Variants in FLT1 observed in about 807,000 individuals in gnomAD.
FLT1 encodes vascular endothelial growth factor receptor 1.
Under a neutral mutation model 156.3 loss-of-function variants are expected in FLT1, and 49 were observed. The ratio of observed to expected loss-of-function variants is 0.31; its 90% CI spans 0.25 to 0.40. The LOEUF (loss-of-function observed/expected upper bound fraction) is 0.40, where lower values mean the gene tolerates loss of function less well. FLT1 is among the 10% of genes least tolerant of loss of function. The pLI is 1.00. For synonymous variants in FLT1, 594 were observed against 583.8 expected (o/e 1.02, Z -0.25); for missense variants, 1,322 against 1,637.2 (o/e 0.81, Z 3.32).
At chr13:28,362,585 G>A (rs1017000441) in intron 14 of FLT1, among the ~76,000 whole-genome samples, 10 of 152,254 alleles carry the variant, frequency 6.6e-5, no homozygotes, top group South Asian at 2.1e-4. Context: ...TTTGGAGGCC[G>A]AGGTGGGCAG....
Position 28,334,877 on chromosome 13 carries a change from CCCCTTTA to C in FLT1, c.2489-755_2489-749del, listed in dbSNP as rs571091477. Among the ~76,000 whole-genome samples the C allele has an allele frequency of 3.9e-3, 599 of 152,118 alleles. 3 individuals are homozygous for C. The highest frequency in any genetic ancestry group is 0.013 in the African/African-American group (550 of 41,514). On this transcript the variant is annotated intron_variant, in intron 17 of 29. Transcript: ENST00000282397. The stretch of plus-strand genomic sequence containing the variant: ...TAGAATGACCCAGGGAGTCCTTGCC[CCCCTTTA>C]CTCTGGGGGGCAAGGACCATGTCTG...
At chr13:28,471,897 A>C (rs1880199175) in intron 1 of FLT1, among the ~76,000 whole-genome samples, 1 of 152,236 alleles carries the variant, frequency 6.6e-6, no homozygotes, top group South Asian at 2.1e-4. Context: ...TAAATAAAAT[A>C]AAACAAAAAA....
chr13:28,413,344 G>A (rs1411609284), intron 10 of FLT1, among the ~76,000 whole-genome samples: 2 of 151,796 alleles, frequency 1.3e-5, no homozygotes, highest in African/African-American at 2.4e-5. Context: ...GGCTTCTAGA[G>A]TGAGTGCCAG....
In FLT1 at chr13:28,301,139, T is replaced by A. The variant is rs61477468; in HGVS notation, c.*2028A>T. ...ACATGAATAGCTAAGGTTTTATTTG[T>A]TATCACTATTTGCTGGGCTATTATC... On this transcript the variant is annotated 3_prime_UTR_variant, in exon 30 of 30. Coordinates refer to ENST00000282397, the MANE Select transcript of FLT1 (RefSeq NM_002019.4). The A allele has an allele frequency of 2.6e-5, 6 of 232,670 alleles. No homozygotes were observed. In the Admixed American group the frequency reaches 3.4e-4, roughly 13 times the overall value. The allele number at this position is 232,670 out of a possible 1,614,324, so 14.4% of individuals were successfully genotyped here. A position where few individuals can be genotyped will look rare whatever the true frequency, so the allele number is the denominator to read the frequency against.
At chr13:28,456,720 C>G (rs1879289467) in intron 3 of FLT1, among the ~76,000 whole-genome samples, 1 of 151,914 alleles carries the variant, frequency 6.6e-6, no homozygotes, top group East Asian at 1.9e-4. Flanking sequence ...CGTTTGAACC[C>G]TGGAGGCAGA....
chr13:28,480,549 A>G (rs1193729791), intron 1 of FLT1, among the ~76,000 whole-genome samples: 1 of 152,208 alleles, frequency 6.6e-6, no homozygotes, highest in Non-Finnish European at 1.5e-5. Flanking sequence ...GTGAGACCTG[A>G]AGAATCAATG....
chr13:28,433,495 A>C (rs1163188743), intron 6 of FLT1, among the ~76,000 whole-genome samples: 1 of 152,222 alleles, frequency 6.6e-6, no homozygotes, highest in African/African-American at 2.4e-5. Context: ...TTTGGTGATA[A>C]ATTTCTCTCT....
intron 3 of FLT1, among the ~76,000 whole-genome samples, chr13:28,458,859 A>T (rs919678339): frequency 1.3e-5 from 2 of 152,318 alleles, no homozygotes; most frequent in Admixed American, 1.3e-4. Context: ...AGAATGAATA[A>T]TCTCCTTCAT....
At chr13:28,427,568 C>T (rs994711935) in intron 9 of FLT1, among the ~76,000 whole-genome samples, 184 bp downstream of exon 9, 5 of 152,012 alleles carry the variant, frequency 3.3e-5, no homozygotes, top group South Asian at 4.2e-4. Flanking sequence ...AAGATCATGC[C>T]GCCTATGGAA....
intron 11 of FLT1, 103 bp from the exon 12 acceptor site, chr13:28,397,171 T>G (rs1014308816): frequency 1.2e-4 from 91 of 739,734 alleles, no homozygotes; most frequent in Non-Finnish European, 1.8e-4. Context: ...CCATTCATTC[T>G]GCAAAGAGAG....
intron 12 of FLT1, among the ~76,000 whole-genome samples, chr13:28,391,918 G>A (rs1477502524): frequency 6.6e-6 from 1 of 152,136 alleles, no homozygotes; most frequent in African/African-American, 2.4e-5. Flanking sequence ...TACTAGTGGT[G>A]TATCTGCATT....
chr13:28,304,127 G>A (rs552787919), intron 29 of FLT1, among the ~76,000 whole-genome samples: 5 of 152,122 alleles, frequency 3.3e-5, no homozygotes, highest in African/African-American at 7.2e-5. Context: ...CTGGACTAAC[G>A]TGTCCATGTT....
At chr13:28,387,428 T>C (rs1176317972) in intron 13 of FLT1, 4 of 1,056,530 alleles carry the variant, frequency 3.8e-6, no homozygotes, top group Non-Finnish European at 3.4e-6. Context: ...CCTAAGTTAC[T>C]TGATGGAAGT....
At chr13:28,488,234 C>CA (rs1376008585) in intron 1 of FLT1, among the ~76,000 whole-genome samples, 9 of 151,982 alleles carry the variant, frequency 5.9e-5, no homozygotes, top group Admixed American at 3.9e-4. Flanking sequence ...CCTGTCTCTA[C>CA]AAAAAACACA....
intron 15 of FLT1, among the ~76,000 whole-genome samples, chr13:28,346,793 T>C (rs1872583238): frequency 6.6e-6 from 1 of 152,212 alleles, no homozygotes; most frequent in Non-Finnish European, 1.5e-5. Context: ...AAATTTTCTT[T>C]TTAGAAATAA....
At chr13:28,476,129 G>GCA (rs10651628) in intron 1 of FLT1, among the ~76,000 whole-genome samples, 3,788 of 151,176 alleles carry the variant, frequency 0.025, 164 homozygotes, top group African/African-American at 0.085. Flanking sequence ...ACACACACAT[G>GCA]CACACACACA....
intron 11 of FLT1, among the ~76,000 whole-genome samples, chr13:28,398,516 G>GA (rs1875206590): frequency 6.6e-6 from 1 of 152,194 alleles, no homozygotes; most frequent in Non-Finnish European, 1.5e-5. Context: ...AGATCAGGAA[G>GA]ACTTAAACAC....
intron 3 of FLT1, among the ~76,000 whole-genome samples, chr13:28,446,254 C>T (rs993222349): frequency 8.5e-5 from 13 of 152,134 alleles, no homozygotes; most frequent in Non-Finnish European, 1.8e-4. Flanking sequence ...AATAAGACAT[C>T]GTTGTCCACC....
At chr13:28,432,635 G>C (rs1160106387) in intron 6 of FLT1, among the ~76,000 whole-genome samples, 1 of 152,210 alleles carries the variant, frequency 6.6e-6, no homozygotes, top group African/African-American at 2.4e-5. Context: ...CATTTCAAGT[G>C]CTCATCTGCC....
Sources: gnomAD v4.1 joint callset for allele counts (sites outside exome capture counted in the v4.1 genomes callset) on GRCh38, gnomAD v4.1.1 for gene constraint, MANE v1.5 for transcripts, NCBI Gene and HGNC (gene_info 2026-07-23, HGNC 2026-07-21) for gene names.